Variants in KIF6 observed in about 807,000 individuals in gnomAD.
KIF6 encodes the protein kinesin family member 6.
In KIF6, 106 loss-of-function variants were observed where a neutral mutation model predicts 112.7. The observed-to-expected ratio is 0.94, with a 90% CI of 0.80 to 1.11. KIF6 has a LOEUF of 1.11. Among genes scored for constraint, KIF6 ranks in the 50% least tolerant of loss-of-function variants. The pLI, the probability that KIF6 is intolerant of heterozygous loss-of-function variation, is 0.00. For missense variants in KIF6, 929 were observed against 964.0 expected (o/e 0.96, Z 0.48); for synonymous variants, 339 against 339.9 (o/e 1.00, Z 0.03).
chr6:39,721,879 T>C (rs1790242263), intron 1 of KIF6, among the ~76,000 whole-genome samples: 1 of 151,622 alleles, frequency 6.6e-6, no homozygotes, highest in Non-Finnish European at 1.5e-5. Context: ...AGGCAATACT[T>C]CCTGTTTAAG....
intron 10 of KIF6, among the ~76,000 whole-genome samples, chr6:39,553,115 A>T (rs1465845547): frequency 6.6e-6 from 1 of 152,216 alleles, no homozygotes; most frequent in African/African-American, 2.4e-5. Flanking sequence ...CTGGTCTGTG[A>T]CAGGTATTAT....
chr6:39,457,787 C>T (rs1425527458), intron 13 of KIF6, among the ~76,000 whole-genome samples: 1 of 152,026 alleles, frequency 6.6e-6, no homozygotes, highest in Admixed American at 6.6e-5. Context: ...TGGGTACAAT[C>T]CTCGACACAT....
chr6:39,616,390 T>G (rs1783522215), intron 5 of KIF6, among the ~76,000 whole-genome samples: 1 of 152,224 alleles, frequency 6.6e-6, no homozygotes, highest in Admixed American at 6.5e-5. Context: ...TGCGTTAATA[T>G]CATGTGTTCC....
intron 2 of KIF6, among the ~76,000 whole-genome samples, 164 bp downstream of exon 2, chr6:39,720,538 A>G (rs1441165365): frequency 6.6e-6 from 1 of 152,198 alleles, no homozygotes; most frequent in Non-Finnish European, 1.5e-5. Flanking sequence ...CCTTGGGCAC[A>G]GCAGTGAAAA....
intron 16 of KIF6, among the ~76,000 whole-genome samples, chr6:39,383,518 T>C (rs1276592977): frequency 6.6e-6 from 1 of 152,232 alleles, no homozygotes; most frequent in African/African-American, 2.4e-5. Flanking sequence ...CATTGGTCTA[T>C]ATGTCTGGTT....
intron 2 of KIF6, chr6:39,718,377 C>T (rs1789991883): frequency 6.6e-6 from 1 of 151,868 alleles, no homozygotes; most frequent in Non-Finnish European, 1.5e-5. Context: ...TGGCCTAGGC[C>T]AGCTGGTAAC....
intron 13 of KIF6, among the ~76,000 whole-genome samples, chr6:39,532,567 C>T (rs1383392894): frequency 2.0e-5 from 3 of 152,222 alleles, no homozygotes; most frequent in East Asian, 1.9e-4. Context: ...GTTTGGTTTC[C>T]TGGGATTTTG....
intron 13 of KIF6, among the ~76,000 whole-genome samples, chr6:39,503,857 AAAAAAAAG>A (rs1285698316): frequency 3.5e-4 from 53 of 150,974 alleles, no homozygotes; most frequent in East Asian, 5.8e-4. Context: ...CAGAAAAAAA[AAAAAAAAG>A]AAAAAAGAAA....
chr6:39,457,067 A>AT (rs1267209173), intron 13 of KIF6, among the ~76,000 whole-genome samples: 4 of 141,566 alleles, frequency 2.8e-5, no homozygotes, highest in South Asian at 2.3e-4. Context: ...CAGAATATAC[A>AT]TTTTTTTCAG....
chr6:39,432,740 A>C (rs1771249733), intron 13 of KIF6, among the ~76,000 whole-genome samples: 1 of 152,220 alleles, frequency 6.6e-6, no homozygotes, highest in Admixed American at 6.5e-5. Context: ...ATTAGGAGCC[A>C]GCGGATTCAT....
chr6:39,400,147 A>C (rs1209870791), intron 15 of KIF6, among the ~76,000 whole-genome samples: 1 of 152,196 alleles, frequency 6.6e-6, no homozygotes, highest in African/African-American at 2.4e-5. Context: ...AATAAGAAGG[A>C]GACGCACCCT....
chr6:39,587,717 C>G (rs1781712215), intron 7 of KIF6, among the ~76,000 whole-genome samples: 1 of 152,142 alleles, frequency 6.6e-6, no homozygotes, highest in African/African-American at 2.4e-5. Context: ...CCTGTACATT[C>G]TGCCCTTCAC....
chr6:39,571,269 C>T (rs558183412), intron 10 of KIF6, among the ~76,000 whole-genome samples: 3 of 152,276 alleles, frequency 2.0e-5, no homozygotes, highest in Admixed American at 6.5e-5. Context: ...CTGTTCTTAT[C>T]GTCACCATTC....
intron 3 of KIF6, among the ~76,000 whole-genome samples, chr6:39,707,461 T>G (rs1239607697): frequency 6.6e-6 from 1 of 152,216 alleles, no homozygotes; most frequent in Non-Finnish European, 1.5e-5. Context: ...GCATCCAATC[T>G]GGGCAGGGTG....
intron 13 of KIF6, among the ~76,000 whole-genome samples, chr6:39,500,968 G>A (rs921632955): frequency 5.9e-5 from 9 of 152,176 alleles, no homozygotes; most frequent in Non-Finnish European, 1.3e-4. Context: ...AGAAGCAGCT[G>A]CAGTTTGCGG....
At chr6:39,422,579 C>T (rs1485187575) in intron 14 of KIF6, among the ~76,000 whole-genome samples, 1 of 152,226 alleles carries the variant, frequency 6.6e-6, no homozygotes, top group Non-Finnish European at 1.5e-5. Flanking sequence ...TCAAGACGAA[C>T]TCTGAAAGGC....
chr6:39,532,084 A>G (rs1778101612), intron 13 of KIF6, among the ~76,000 whole-genome samples: 1 of 152,152 alleles, frequency 6.6e-6, no homozygotes, highest in Non-Finnish European at 1.5e-5. Context: ...TCCTGGTCTT[A>G]ACCGGAGGTT....
chr6:39,507,133 A>G (rs71571377), intron 13 of KIF6, among the ~76,000 whole-genome samples: 33,328 of 152,166 alleles, frequency 0.22, 4,380 homozygotes, highest in African/African-American at 0.35. Context: ...AGTCACAAGT[A>G]CAAGTGGCAA....
chr6:39,692,080 C>A (rs987027479), intron 3 of KIF6, among the ~76,000 whole-genome samples: 6 of 152,194 alleles, frequency 3.9e-5, no homozygotes, highest in African/African-American at 1.4e-4. Context: ...ACGTGGGAGG[C>A]GGAGGTTGCA....
Sources: gnomAD v4.1 joint callset for allele counts (sites outside exome capture counted in the v4.1 genomes callset) on GRCh38, gnomAD v4.1.1 for gene constraint, MANE v1.5 for transcripts, NCBI Gene and HGNC (gene_info 2026-07-23, HGNC 2026-07-21) for gene names.